The following PRKN variants were observed in gnomAD, a reference collection of about 807,000 sequenced individuals.
PRKN encodes the protein E3 ubiquitin-protein ligase parkin.
In PRKN, 56 loss-of-function variants were observed where a neutral mutation model predicts 59.5. The observed-to-expected ratio is 0.94, with a 90% CI of 0.76 to 1.18. The LOEUF (loss-of-function observed/expected upper bound fraction) is 1.18, where lower values mean the gene tolerates loss of function less well. Ranked by LOEUF, PRKN falls within the 50% of genes most tolerant of loss-of-function variation. The pLI is 0.00. For missense variants in PRKN, 657 were observed against 596.4 expected, an observed-to-expected ratio of 1.10 and a Z score of -1.06; for synonymous variants, 250 against 222.1, an observed-to-expected ratio of 1.13 and a Z score of -1.12.
chr6:162,503,798 T>C (rs545744318), intron 1 of PRKN, among the ~76,000 whole-genome samples: 1 of 152,220 alleles, frequency 6.6e-6, no homozygotes, highest in Non-Finnish European at 1.5e-5. Context: ...AGAGAAGACA[T>C]AACCTAAACT....
chr6:161,898,920 G>A (rs572445677), intron 6 of PRKN, among the ~76,000 whole-genome samples: 44 of 152,310 alleles, frequency 2.9e-4, no homozygotes, highest in South Asian at 6.2e-4. Flanking sequence ...GGCCCGGAAC[G>A]CTTATAACTC....
Position 162,504,702 on chromosome 6 carries a change from A to G in PRKN, c.8-61229T>C, listed in dbSNP as rs530101508. 2.6e-5 allele frequency among the ~76,000 whole-genome samples: 4 copies of G among 152,304 alleles called. No homozygotes were observed. In the East Asian group the frequency reaches 5.8e-4, roughly 22 times the overall value. ...AGTTCATGAAAAAAAGAACTGATAC[A>G]TTTGTCCCCACTCTATTTAAAGCAT... On this transcript the variant is annotated intron_variant, in intron 1 of 11. Transcript: ENST00000366898.
At position 161,874,983 on chromosome 6, in the gene PRKN, ATATACT is replaced by A. The variant is rs1367606066; in HGVS notation, c.735-89081_735-89076del. ...TATATAATATATAATTTATTATATT[ATATACT>A]TTATATATAATATATTATATATTAT... On this transcript the variant is annotated intron_variant, in intron 6 of 11. Transcript: ENST00000366898. Among the ~76,000 whole-genome samples, 15 of 72,522 alleles carry A rather than the reference ATATACT, an allele frequency of 2.1e-4. 3 individuals carry two copies. The highest frequency in any genetic ancestry group is 1.1e-3 in the African/African-American group (15 of 13,212). 47.6% of individuals were successfully genotyped at this position (72,522 alleles called of 152,430 possible). A position where few individuals can be genotyped will look rare whatever the true frequency, so the allele number is the denominator to read the frequency against.
At chr6:162,622,212 T>G (rs145073888) in intron 1 of PRKN, among the ~76,000 whole-genome samples, 1 of 152,348 alleles carries the variant, frequency 6.6e-6, no homozygotes, top group African/African-American at 2.4e-5. Context: ...AATCATACTT[T>G]TAATTTCCTG....
intron 7 of PRKN, among the ~76,000 whole-genome samples, chr6:161,743,632 C>T (rs1164295421): frequency 6.6e-6 from 1 of 152,080 alleles, no homozygotes; most frequent in Admixed American, 6.5e-5. Context: ...TCCGCCCCCA[C>T]TTGCGTAAGT....
rs892364675 is a variant in PRKN at position 162,633,012 on chromosome 6, T to C, written c.7+94650A>G. On this transcript the variant is annotated intron_variant, in intron 1 of 11. Coordinates refer to ENST00000366898, the MANE Select transcript of PRKN (RefSeq NM_004562.3). The stretch of plus-strand genomic sequence containing the variant: ...ATTAAATAGTGTTAAGTTTCAATAC[T>C]TGTCATATTTAATTTATACTTTATG... Among the ~76,000 whole-genome samples, 9 of 152,286 alleles carry C rather than the reference T, an allele frequency of 5.9e-5. No homozygotes were observed. In the South Asian group the frequency reaches 1.9e-3, roughly 32 times the overall value.
chr6:162,297,636 A>G (rs1271000428), intron 2 of PRKN, among the ~76,000 whole-genome samples: 1 of 152,194 alleles, frequency 6.6e-6, no homozygotes, highest in African/African-American at 2.4e-5. Flanking sequence ...CATTTAATCT[A>G]TAGTGGTTGT....
At chr6:162,170,320 G>T (rs1347027830) in intron 4 of PRKN, among the ~76,000 whole-genome samples, 1 of 152,188 alleles carries the variant, frequency 6.6e-6, no homozygotes, top group Non-Finnish European at 1.5e-5. Flanking sequence ...CTCCGGAAAA[G>T]CTTCTTCCCA....
At position 161,444,530 on chromosome 6, in the gene PRKN, C is replaced by A. The variant is rs1789396978; in HGVS notation, c.1084-57653G>T. ...CTTGCCATGCTCCAAGAAGTCCCTG[C>A]AGCCCCTGGTTAGTGGGAGACGCAG... On this transcript the variant is annotated intron_variant, in intron 9 of 11. Transcript: ENST00000366898. This position sits in a 1 kb window ranked among gnomAD's most constrained non-coding sequence, Gnocchi z 5.6. 6.6e-6 allele frequency among the ~76,000 whole-genome samples: 1 copy of A among 152,240 alleles called. No homozygotes were observed. Among genetic ancestry groups the A allele is most frequent in the Non-Finnish European group, 1.5e-5 (1 of 68,052 alleles).
rs758997138 is a variant in PRKN, at chr6:161,463,948, T to TTTTTTG, written c.1084-77077_1084-77072dup. On this transcript the variant is annotated intron_variant, in intron 9 of 11. Transcript: ENST00000366898. This position sits in a 1 kb window ranked among gnomAD's most constrained non-coding sequence, Gnocchi z 4.8. Reference sequence around the variant, plus strand: ...TCAACATACAGAGACCTTTAGGGTTTTTTTTGTTTTTGTTTTTGTTTTTGT... The same window carrying TTTTTTG: ...TCAACATACAGAGACCTTTAGGGTTTTTTTTGTTTTTGTTTTTGTTTTTGTTTTTGT... Among the ~76,000 whole-genome samples the TTTTTTG allele has an allele frequency of 3.9e-5, 6 of 152,252 alleles. No individual in the cohort carries two copies. Among genetic ancestry groups the TTTTTTG allele is most frequent in the South Asian group, 2.1e-4 (1 of 4,818 alleles).
chr6:161,854,101 A>T (rs1026970894), intron 6 of PRKN, among the ~76,000 whole-genome samples: 3 of 151,210 alleles, frequency 2.0e-5, no homozygotes, highest in African/African-American at 7.3e-5. Context: ...AAAAAAAAAA[A>T]AAAATTAGCC....
At chr6:162,336,119 G>C (rs1172448504) in intron 2 of PRKN, among the ~76,000 whole-genome samples, 2 of 152,058 alleles carry the variant, frequency 1.3e-5, no homozygotes, top group Admixed American at 6.6e-5. Context: ...CAGCAAACAG[G>C]AGTATGAGAG....
At chr6:161,987,113 G>C (rs1583443994) in intron 5 of PRKN, among the ~76,000 whole-genome samples, 4 of 152,038 alleles carry the variant, frequency 2.6e-5, no homozygotes, top group Admixed American at 2.6e-4. Flanking sequence ...AGATAAACTG[G>C]GCAAAGGCAA....
intron 2 of PRKN, among the ~76,000 whole-genome samples, chr6:162,339,812 G>A (rs1784080803): frequency 6.7e-6 from 1 of 149,412 alleles, no homozygotes; most frequent in Non-Finnish European, 1.5e-5. Context: ...CTTCTGCCTT[G>A]GGATCCTGTT....
chr6:161,872,961 C>CT (rs112827816), intron 6 of PRKN, among the ~76,000 whole-genome samples: 1,920 of 139,602 alleles, frequency 0.014, 21 homozygotes, highest in Non-Finnish European at 0.019. Flanking sequence ...ACAGTAATGA[C>CT]TTTTTTTTTT....
intron 2 of PRKN, among the ~76,000 whole-genome samples, chr6:162,380,496 C>CAT (rs1219127020): frequency 9.5e-4 from 25 of 26,236 alleles, no homozygotes; most frequent in East Asian, 2.1e-3. Flanking sequence ...TATATACACA[C>CAT]ATATATATGT....
intron 7 of PRKN, among the ~76,000 whole-genome samples, chr6:161,639,503 T>G (rs982918401): frequency 2.0e-5 from 3 of 152,144 alleles, no homozygotes; most frequent in Non-Finnish European, 4.4e-5. Context: ...TGTTTGAAAT[T>G]TGGGAGCTAA....
intron 1 of PRKN, among the ~76,000 whole-genome samples, chr6:162,463,906 C>T (rs934856470): frequency 6.6e-6 from 1 of 152,182 alleles, no homozygotes; most frequent in African/African-American, 2.4e-5. Context: ...TACATTCTTA[C>T]TCTCTGAAGC....
At chr6:161,690,705 G>A (rs1019689010) in intron 7 of PRKN, among the ~76,000 whole-genome samples, 4 of 152,036 alleles carry the variant, frequency 2.6e-5, no homozygotes, top group Admixed American at 6.6e-5. Context: ...TTTTCCCTCC[G>A]CCTGACCTCT....
Sources: gnomAD v4.1 joint callset for allele counts (sites outside exome capture counted in the v4.1 genomes callset) on GRCh38, gnomAD v4.1.1 for gene constraint, Gnocchi (gnomAD v3.1) non-coding constraint, MANE v1.5 for transcripts, NCBI Gene and HGNC (gene_info 2026-07-23, HGNC 2026-07-21) for gene names.